The following SMAD4 variants were observed in gnomAD, a reference collection of about 807,000 sequenced individuals.
SMAD4 encodes MAD homolog 4.
SMAD4 carries 7 observed loss-of-function variants against 63.2 expected under a neutral mutation model. That is an observed-to-expected ratio of 0.11 (90% CI 0.06 to 0.21). SMAD4 has a LOEUF of 0.21. Among genes scored for constraint, SMAD4 ranks in the 10% least tolerant of loss-of-function variants. The probability of loss-of-function intolerance (pLI) is 1.00; values close to 1 mark genes in which losing one functional copy is unlikely to be tolerated. For missense variants in SMAD4, 312 were observed against 693.8 expected, an observed-to-expected ratio of 0.45 and a Z score of 6.18; for synonymous variants, 215 against 235.4, an observed-to-expected ratio of 0.91 and a Z score of 0.79.
chr18:51,076,288 T>C (rs966440002), intron 10 of SMAD4, among the ~76,000 whole-genome samples: 2 of 152,174 alleles, frequency 1.3e-5, no homozygotes, highest in African/African-American at 4.8e-5. Flanking sequence ...CTAAGGAAAA[T>C]TCAGCAATTT....
chr18:51,063,762 A>G (rs1227423931), intron 8 of SMAD4, among the ~76,000 whole-genome samples: 1 of 152,218 alleles, frequency 6.6e-6, no homozygotes, highest in Non-Finnish European at 1.5e-5. Context: ...GAAGACACTC[A>G]GTGAAGACAC....
At chr18:51,070,605 A>G (rs909187269) in intron 10 of SMAD4, among the ~76,000 whole-genome samples, 14 of 152,330 alleles carry the variant, frequency 9.2e-5, no homozygotes, top group Non-Finnish European at 1.5e-4. Context: ...TCAGGTATCC[A>G]TGGTCAACCA....
intron 1 of SMAD4, among the ~76,000 whole-genome samples, chr18:51,034,561 T>C (rs1390742792): frequency 6.8e-6 from 1 of 146,440 alleles, no homozygotes; most frequent in Non-Finnish European, 1.5e-5. Context: ...TTTTTTTCCT[T>C]TTTCTTTCCA....
rs2144474314 is a variant in SMAD4 at position 51,076,726 on chromosome 18, C to T, written c.1397C>T (p.Ala466Val). 3 of 1,613,430 alleles carry T rather than the reference C, an allele frequency of 1.9e-6. No homozygotes were observed. The South Asian group carries it at 3.3e-5, about 18-fold the overall frequency. Residue 466 changes from alanine (A) to valine (V), a missense_variant, in exon 11 of 12, where the codon GCA (alanine) becomes GTA (valine). Transcript: ENST00000342988. ...GCAGCTGCCCAGGCAGCAGCCGTGG[C>T]AGGAAACATCCCTGGCCCAGGATCA... ...AAAAAQAAAV[A>V]GNIPGPGSVG...
chr18:51,076,259 C>T (rs1314634328), intron 10 of SMAD4, among the ~76,000 whole-genome samples: 1 of 152,100 alleles, frequency 6.6e-6, no homozygotes, highest in African/African-American at 2.4e-5. Flanking sequence ...GCCAGGCGAC[C>T]AAAGCTATCA....
At chr18:51,042,343 CT>C (rs1215828358) in intron 1 of SMAD4, among the ~76,000 whole-genome samples, 1 of 111,238 alleles carries the variant, frequency 9.0e-6, no homozygotes, top group Non-Finnish European at 1.8e-5. Context: ...CTCCCTCTCT[CT>C]TTCTCTCTGT....
At chr18:51,053,382 G>A (rs1207754233) in intron 4 of SMAD4, 1 of 152,104 alleles carries the variant, frequency 6.6e-6, no homozygotes, top group Non-Finnish European at 1.5e-5. Flanking sequence ...TACCAATTTT[G>A]TGCCCCAAAC....
chr18:51,057,906 G>A (rs1013119525), intron 5 of SMAD4, among the ~76,000 whole-genome samples: 7 of 152,206 alleles, frequency 4.6e-5, no homozygotes, highest in African/African-American at 1.2e-4. Flanking sequence ...CAATTAGTTA[G>A]ACATTACCTA....
chr18:51,066,485 T>C (rs1910157033), intron 9 of SMAD4, among the ~76,000 whole-genome samples: 1 of 152,212 alleles, frequency 6.6e-6, no homozygotes, highest in Admixed American at 6.5e-5. Context: ...GCTCTATCAC[T>C]TGCTGTCATG....
chr18:51,084,236 G>T lies in SMAD4; in HGVS notation c.*5769G>T, dbSNP rs1910693301. ...GTAATTTTTTTTTTCAGTGAAAATGGATTGAAAACCTGTTGTTAATGCTTA... is the reference window on the plus strand; with the variant it reads ...GTAATTTTTTTTTTCAGTGAAAATGTATTGAAAACCTGTTGTTAATGCTTA... On this transcript the variant is annotated 3_prime_UTR_variant, in exon 12 of 12. Coordinates refer to ENST00000342988, the MANE Select transcript of SMAD4 (RefSeq NM_005359.6). 2 of 229,860 alleles carry T rather than the reference G, an allele frequency of 8.7e-6. No homozygotes were observed. 14.2% of individuals were successfully genotyped at this position (229,860 alleles called of 1,614,324 possible). A position where few individuals can be genotyped will look rare whatever the true frequency, so the allele number is the denominator to read the frequency against.
At chr18:51,043,652 G>A (rs1406411845) in intron 1 of SMAD4, among the ~76,000 whole-genome samples, 1 of 152,252 alleles carries the variant, frequency 6.6e-6, no homozygotes, top group Non-Finnish European at 1.5e-5. Context: ...TTAAGAAAGC[G>A]AGGTCATTAT....
chr18:51,031,002 A>G (rs181326256), intron 1 of SMAD4, among the ~76,000 whole-genome samples: 3 of 152,256 alleles, frequency 2.0e-5, no homozygotes, highest in Admixed American at 2.0e-4. Context: ...TGAAAGTTGT[A>G]AATTGTTTGT....
chr18:51,057,177 A>G (rs573111491), intron 5 of SMAD4, among the ~76,000 whole-genome samples: 489 of 152,320 alleles, frequency 3.2e-3, no homozygotes, highest in Middle Eastern at 6.8e-3. Flanking sequence ...CAATGGTGAC[A>G]TGTTACTCTC....
chr18:51,061,278 G>A (rs1910006140), intron 8 of SMAD4, among the ~76,000 whole-genome samples: 1 of 152,080 alleles, frequency 6.6e-6, no homozygotes. Flanking sequence ...TCACCCTGTT[G>A]TGCTGTAAAA....
intron 8 of SMAD4, among the ~76,000 whole-genome samples, chr18:51,062,747 C>T (rs1294864250): frequency 6.6e-6 from 1 of 151,604 alleles, no homozygotes; most frequent in Admixed American, 6.6e-5. Flanking sequence ...GATCTCTGCC[C>T]CATCGGCTCC....
In SMAD4 at chr18:51,084,817, GT is replaced by G. The variant is rs573785159; in HGVS notation, c.*6353del. The G allele has an allele frequency of 7.4e-5, 17 of 229,494 alleles. No homozygotes were observed. The East Asian group carries it at 1.0e-3, about 14-fold the overall frequency. The allele number at this position is 229,494 out of a possible 1,614,324, so 14.2% of individuals were successfully genotyped here. A position where few individuals can be genotyped will look rare whatever the true frequency, so the allele number is the denominator to read the frequency against. On this transcript the variant is annotated 3_prime_UTR_variant, in exon 12 of 12. Coordinates refer to ENST00000342988, the MANE Select transcript of SMAD4 (RefSeq NM_005359.6). The stretch of plus-strand genomic sequence containing the variant: ...GATTTGGTGGTGGTATTTCCCAACT[GT>G]TTCCTCCCCTAAATTCAGAGGAATG...
At position 51,084,059 on chromosome 18, in the gene SMAD4, G is replaced by C; in HGVS notation, c.*5592G>C. The C allele has an allele frequency of 4.4e-6, 1 of 226,982 alleles. No individual in the cohort carries two copies. Among genetic ancestry groups the C allele is most frequent in the Non-Finnish European group, 8.7e-6 (1 of 115,280 alleles). The allele number at this position is 226,982 out of a possible 1,614,324, so 14.1% of individuals were successfully genotyped here. ...ACACACACACAGGTCAGAGTTTAAG[G>C]CTTTCGAGTCATGACATTCTAGCTT... On this transcript the variant is annotated 3_prime_UTR_variant, in exon 12 of 12. Coordinates refer to ENST00000342988, the MANE Select transcript of SMAD4 (RefSeq NM_005359.6).
At chr18:51,066,415 A>G (rs1405660146) in intron 9 of SMAD4, among the ~76,000 whole-genome samples, 1 of 152,026 alleles carries the variant, frequency 6.6e-6, no homozygotes, top group Non-Finnish European at 1.5e-5. Flanking sequence ...GGAACATTCC[A>G]TTTTAGCTAC....
chr18:51,046,436 G>GT lies in SMAD4; in HGVS notation c.-127-484_-127-483insT, dbSNP rs1555684918. On this transcript the variant is annotated intron_variant, in intron 1 of 11. Coordinates refer to ENST00000342988, the MANE Select transcript of SMAD4 (RefSeq NM_005359.6). ...ATCCTTTTGTTCATTTCTAAATTGG[G>GT]GTTTTTTTTTTTTTTTAATTGGTCT... 6.9e-3 allele frequency among the ~76,000 whole-genome samples: 907 copies of GT among 131,166 alleles called. 6 individuals carry two copies. The highest frequency in any genetic ancestry group is 0.011 in the Non-Finnish European group (666 of 60,392). 86.0% of individuals were successfully genotyped at this position (131,166 alleles called of 152,430 possible). A position where few individuals can be genotyped will look rare whatever the true frequency, so the allele number is the denominator to read the frequency against.
Sources: gnomAD v4.1 joint callset for allele counts (sites outside exome capture counted in the v4.1 genomes callset) on GRCh38, gnomAD v4.1.1 for gene constraint, MANE v1.5 for transcripts, NCBI Gene and HGNC (gene_info 2026-07-23, HGNC 2026-07-21) for gene names.